The following CD83 variants were observed in gnomAD, a reference collection of about 807,000 sequenced individuals.
CD83 encodes the protein CD83 molecule.
A neutral mutation model predicts 24.6 loss-of-function variants in CD83; 22 were observed. That is an observed-to-expected ratio of 0.90 (90% CI 0.64 to 1.28). The LOEUF is 1.28. Among genes scored for constraint, CD83 ranks in the 50% most tolerant of loss-of-function variants. The pLI, the probability that CD83 is intolerant of heterozygous loss-of-function variation, is 0.00. For missense variants in CD83, 253 were observed against 252.8 expected (o/e 1.00, Z -0.01); for synonymous variants, 101 against 103.5 (o/e 0.98, Z 0.14).
chr6:14,131,131 G>T (rs545926791), intron 2 of CD83, among the ~76,000 whole-genome samples: 1 of 152,314 alleles, frequency 6.6e-6, no homozygotes, highest in Non-Finnish European at 1.5e-5. Flanking sequence ...TCATTCAGTG[G>T]GTGAGTTGGT....
rs1294451098 is a variant in CD83 at position 14,127,884 on chromosome 6, ATTAAT to A, written c.154-3633_154-3629del. On this transcript the variant is annotated intron_variant, in intron 2 of 4. Transcript: ENST00000379153. ...ATGATTGGGATGAGTGTTTTGAGTA[ATTAAT>A]TTGCTGAAATTGTGTTGTGCTTTAG... Among the ~76,000 whole-genome samples the A allele has an allele frequency of 9.8e-5, 15 of 152,362 alleles. No homozygotes were observed. In the South Asian group the frequency reaches 2.9e-3, roughly 29 times the overall value.
At chr6:14,124,910 C>A (rs1390826941) in intron 2 of CD83, among the ~76,000 whole-genome samples, 2 of 152,064 alleles carry the variant, frequency 1.3e-5, no homozygotes, top group African/African-American at 4.8e-5. Flanking sequence ...GAGGTGCTAC[C>A]TGACTAGGGT....
intron 2 of CD83, among the ~76,000 whole-genome samples, chr6:14,127,215 C>T (rs1264442098): frequency 2.0e-5 from 3 of 152,108 alleles, no homozygotes; most frequent in African/African-American, 7.2e-5. Context: ...GTCTTGAACT[C>T]CTGACCTCAT....
rs1162086742 is a variant in CD83, at chr6:14,125,575, G to T, written c.154-5945G>T. On this transcript the variant is annotated intron_variant, in intron 2 of 4. Transcript: ENST00000379153. ...CCTATCAGAGCCAGTCTCCATGATCGTGGGGTACCAGGCCTGAGTTAAGTT... is the reference window on the plus strand; with the variant it reads ...CCTATCAGAGCCAGTCTCCATGATCTTGGGGTACCAGGCCTGAGTTAAGTT... Among the ~76,000 whole-genome samples, 3 of 152,148 alleles carry T rather than the reference G, an allele frequency of 2.0e-5. No homozygotes were observed. The South Asian group carries it at 6.2e-4, about 32-fold the overall frequency.
intron 4 of CD83, among the ~76,000 whole-genome samples, chr6:14,134,020 A>G (rs1222856176): frequency 3.9e-5 from 6 of 152,080 alleles, no homozygotes; most frequent in African/African-American, 1.2e-4. Flanking sequence ...GGAAATGACA[A>G]GGGGTTCTAT....
Position 14,135,192 on chromosome 6 carries a change from AAG to A in CD83, c.575_576del (p.Lys192ThrfsTer24), listed in dbSNP as rs1196552966. 1 of 1,613,264 alleles carries A rather than the reference AAG, an allele frequency of 6.2e-7. No individual in the cohort carries two copies. The highest frequency in any genetic ancestry group is 1.7e-5 in the Admixed American group (1 of 60,026). ...TTTTCTCCCAGTTACCTCCCCAAAT[AAG>A]CATTTAGGGCTAGTGACTCCTCACA... ...RAFLPVTSPN[K>X]HLGLVTPHKT... On this transcript the variant is annotated frameshift_variant, in exon 5 of 5. Transcript: ENST00000379153. LOFTEE classifies it high-confidence loss of function.
chr6:14,118,043 C>A lies in CD83; in HGVS notation c.131C>A (p.Pro44His). 1 of 1,609,220 alleles carries A rather than the reference C, an allele frequency of 6.2e-7. No homozygotes were observed. Among genetic ancestry groups the A allele is most frequent in the Non-Finnish European group, 8.5e-7 (1 of 1,178,522 alleles). Residue 44 changes from proline to histidine, a missense_variant, in exon 2 of 5, where the codon CCC becomes CAC. By Grantham distance (77) the Pro-to-His change is moderately conservative (BLOSUM62 -2). Transcript: ENST00000379153. ...PCTAPWDPQVPYTVSWVKLLE... is the reference protein window; with the variant it reads ...PCTAPWDPQVHYTVSWVKLLE... ...ACCGCCCCCTGGGATCCGCAGGTTCCCTACACGGTCTCCTGGGTCAAGGTA... is the reference window on the plus strand; with the variant it reads ...ACCGCCCCCTGGGATCCGCAGGTTCACTACACGGTCTCCTGGGTCAAGGTA...
chr6:14,124,633 C>A (rs1031281007), intron 2 of CD83, among the ~76,000 whole-genome samples: 2 of 151,960 alleles, frequency 1.3e-5, no homozygotes, highest in African/African-American at 4.8e-5. Context: ...CATGGTGGTG[C>A]GGGGTGCCTT....
In CD83 at chr6:14,131,522, A is replaced by T; in HGVS notation, c.156A>T (p.Leu52Phe). 1.2e-6 allele frequency: 2 copies of T among 1,610,418 alleles called. No individual in the cohort carries two copies. The highest frequency in any genetic ancestry group is 1.7e-6 in the Non-Finnish European group (2 of 1,176,670). ...GCGCTCTGATTCCTTCTTCACAGTT[A>T]TTGGAGGGTGGTGAAGAGAGGATGG... is the stretch of plus-strand genomic sequence containing the variant. ...QVPYTVSWVK[L>F]LEGGEERMET... The change falls in exon 3 of 5, where the codon TTA (leucine) becomes TTT (phenylalanine). Residue 52 changes from leucine (L) to phenylalanine (F), a missense_variant and splice_region_variant. Leu to Phe is a conservative substitution (Grantham distance 22). Coordinates refer to ENST00000379153, the MANE Select transcript of CD83 (RefSeq NM_004233.4).
chr6:14,131,684 GTGCACTC>G lies in CD83; in HGVS notation c.323_329del (p.Thr108ArgfsTer9). ...CCAGCTGCAACTCGGGGACATACAG[GTGCACTC>G]TGCAGGACCCGGATGGGCAGAGAAA... On this transcript the variant is annotated frameshift_variant, in exon 3 of 5. Coordinates refer to ENST00000379153, the MANE Select transcript of CD83 (RefSeq NM_004233.4). LOFTEE classifies it high-confidence loss of function. 6.2e-7 allele frequency: 1 copy of G among 1,614,168 alleles called. No individual in the cohort carries two copies. Among genetic ancestry groups the G allele is most frequent in the Non-Finnish European group, 8.5e-7 (1 of 1,180,034 alleles).
At position 14,134,895 on chromosome 6, in the gene CD83, G is replaced by A. The variant is rs543772923; in HGVS notation, c.490-213G>A. Among the ~76,000 whole-genome samples the A allele has an allele frequency of 3.3e-5, 5 of 152,312 alleles. No homozygotes were observed. In the South Asian group the frequency reaches 6.2e-4, roughly 19 times the overall value. On this transcript the variant is annotated intron_variant, in intron 4 of 4. Transcript: ENST00000379153. ...TACAGAGACCTAACAGTAGGGGGTC[G>A]AAATGGCCACAATCAGTGAATCTCC...
At chr6:14,119,807 C>A (rs1759630656) in intron 2 of CD83, among the ~76,000 whole-genome samples, 1 of 152,206 alleles carries the variant, frequency 6.6e-6, no homozygotes, top group Non-Finnish European at 1.5e-5. Context: ...TTAATACCCC[C>A]AGGGGAGTAA....
intron 2 of CD83, among the ~76,000 whole-genome samples, chr6:14,127,224 A>G (rs914058704): frequency 6.6e-6 from 1 of 152,098 alleles, no homozygotes; most frequent in Non-Finnish European, 1.5e-5. Flanking sequence ...TCCTGACCTC[A>G]TGTGATCCAC....
chr6:14,125,546 C>T (rs1447611080), intron 2 of CD83, among the ~76,000 whole-genome samples: 1 of 152,182 alleles, frequency 6.6e-6, no homozygotes, highest in African/African-American at 2.4e-5. Flanking sequence ...GACTGGGTCA[C>T]GTGCCTATCA....
chr6:14,130,452 C>T (rs934888910), intron 2 of CD83, among the ~76,000 whole-genome samples: 3 of 152,170 alleles, frequency 2.0e-5, no homozygotes, highest in South Asian at 2.1e-4. Context: ...AAGCCGCGCA[C>T]GGTGGCTCAC....
rs1758023401 is a variant in CD83 at position 14,135,313 on chromosome 6, A to G, written c.*77A>G. ...TGTCTGTTACACTGGAGGAGAGAAG[A>G]ATGAGCCTACGCTGAAGATGGCATC... On this transcript the variant is annotated 3_prime_UTR_variant, in exon 5 of 5. Transcript: ENST00000379153. 9 of 1,497,020 alleles carry G rather than the reference A, an allele frequency of 6.0e-6. No homozygotes were observed. The highest frequency in any genetic ancestry group is 8.2e-6 in the Non-Finnish European group (9 of 1,096,008). 92.7% of individuals were successfully genotyped at this position (1,497,020 alleles called of 1,614,324 possible).
At chr6:14,120,842 C>T (rs1390805840) in intron 2 of CD83, among the ~76,000 whole-genome samples, 1 of 152,206 alleles carries the variant, frequency 6.6e-6, no homozygotes, top group South Asian at 2.1e-4. Context: ...TCAAAACAGA[C>T]AGCATCCAAT....
rs200108463 is a variant in CD83 at position 14,133,694 on chromosome 6, C to T, written c.428C>T (p.Ala143Val). 34 of 1,613,678 alleles carry T rather than the reference C, an allele frequency of 2.1e-5. No individual in the cohort carries two copies. Among genetic ancestry groups the T allele is most frequent in the South Asian group, 1.2e-4 (11 of 91,074 alleles). The stretch of plus-strand genomic sequence containing the variant: ...GAAGAGACTTTTAAGAAATACAGAG[C>T]GGAGATTGTCCTGCTGCTGGCTCTG... ...RKEETFKKYR[A>V]EIVLLLALVI... is the part of the protein sequence containing the mutation. The change falls in exon 4 of 5, where the codon GCG becomes GTG. Residue 143 changes from alanine (A) to valine (V), a missense_variant. Coordinates refer to ENST00000379153, the MANE Select transcript of CD83 (RefSeq NM_004233.4).
chr6:14,133,082 A>G (rs1452012837), intron 3 of CD83, among the ~76,000 whole-genome samples: 3 of 152,190 alleles, frequency 2.0e-5, no homozygotes, highest in Admixed American at 1.3e-4. Context: ...TTGCCGAAAG[A>G]GCTTGAATGA....
Sources: gnomAD v4.1 joint callset for allele counts (sites outside exome capture counted in the v4.1 genomes callset) on GRCh38, gnomAD v4.1.1 for gene constraint, MANE v1.5 for transcripts, NCBI Gene and HGNC (gene_info 2026-07-23, HGNC 2026-07-21) for gene names.